The following PTPRN2 variants were observed in gnomAD, a reference collection of about 807,000 sequenced individuals.
The protein encoded by PTPRN2 is protein tyrosine phosphatase receptor type N2.
Under a neutral mutation model 118.8 loss-of-function variants are expected in PTPRN2, and 74 were observed. The observed-to-expected ratio is 0.62, with a 90% CI of 0.52 to 0.76. PTPRN2 has a LOEUF of 0.76. Ranked by LOEUF, PTPRN2 falls within the 30% of genes least tolerant of loss-of-function variation. The probability of loss-of-function intolerance (pLI) is 0.00; values close to 1 mark genes in which losing one functional copy is unlikely to be tolerated. For missense variants in PTPRN2, 1,481 were observed against 1,394.4 expected, an observed-to-expected ratio of 1.06 and a Z score of -0.99; for synonymous variants, 641 against 608.0, an observed-to-expected ratio of 1.05 and a Z score of -0.80.
chr7:157,721,666 C>CA (rs1463435867), intron 12 of PTPRN2, among the ~76,000 whole-genome samples: 7 of 152,182 alleles, frequency 4.6e-5, no homozygotes, highest in Admixed American at 4.6e-4. Flanking sequence ...TGGCTGATGG[C>CA]AAGGGTGTGT....
intron 11 of PTPRN2, among the ~76,000 whole-genome samples, chr7:158,052,777 G>A (rs920809422): frequency 6.6e-6 from 1 of 151,990 alleles, no homozygotes; most frequent in Middle Eastern, 3.2e-3. Flanking sequence ...CGAGGGGGCT[G>A]TGGAGGGGTG....
chr7:157,561,214 G>A (rs745601952), intron 21 of PTPRN2, among the ~76,000 whole-genome samples: 1 of 149,748 alleles, frequency 6.7e-6, no homozygotes, highest in African/African-American at 2.5e-5. Flanking sequence ...CCATCCCTTC[G>A]GCCCCCGGGT....
At chr7:157,957,663 T>C (rs958865269) in intron 11 of PTPRN2, among the ~76,000 whole-genome samples, 3 of 152,036 alleles carry the variant, frequency 2.0e-5, no homozygotes, top group Admixed American at 2.0e-4. Context: ...ATGGGAAAAT[T>C]CCTAGAAATA....
intron 11 of PTPRN2, among the ~76,000 whole-genome samples, chr7:158,005,449 T>TA (rs781488644): frequency 7.3e-4 from 111 of 151,422 alleles, no homozygotes; most frequent in Middle Eastern, 3.4e-3. Context: ...CTGATTTCTT[T>TA]AAAAAAAAAT....
intron 11 of PTPRN2, among the ~76,000 whole-genome samples, chr7:158,071,158 C>G (rs1269974788): frequency 8.0e-5 from 2 of 24,866 alleles, no homozygotes; most frequent in Non-Finnish European, 7.1e-5. Flanking sequence ...TGGAGGTGCT[C>G]GTGGTGGAGG....
At chr7:158,338,263 C>T (rs534991438) in intron 2 of PTPRN2, among the ~76,000 whole-genome samples, 2 of 78,724 alleles carry the variant, frequency 2.5e-5, no homozygotes, top group Non-Finnish European at 5.1e-5. Context: ...CACACCCACA[C>T]TCTCACCATA....
rs937875332 is a variant in PTPRN2 at position 158,166,781 on chromosome 7, C to T, written c.910+150G>A. Reference sequence around the variant, plus strand: ...GGGTATGAGGGCCGAAGGGACCCTTCCCTACATGGTGCCCCATTCCTGCCA... The same window carrying T: ...GGGTATGAGGGCCGAAGGGACCCTTTCCTACATGGTGCCCCATTCCTGCCA... On this transcript the variant is annotated intron_variant, in intron 6 of 22. Transcript: ENST00000389418. 9.2e-6 allele frequency: 10 copies of T among 1,083,280 alleles called. No homozygotes were observed. The South Asian group carries it at 1.1e-4, about 12-fold the overall frequency. 67.1% of individuals were successfully genotyped at this position (1,083,280 alleles called of 1,614,324 possible).
At chr7:157,900,850 C>A (rs895980433) in intron 11 of PTPRN2, among the ~76,000 whole-genome samples, 6 of 152,216 alleles carry the variant, frequency 3.9e-5, no homozygotes, top group African/African-American at 1.4e-4. Context: ...GCTCCCATCA[C>A]AGTTGACTTT....
intron 11 of PTPRN2, among the ~76,000 whole-genome samples, chr7:158,053,914 T>G (rs906368195): frequency 1.5e-5 from 2 of 134,884 alleles, no homozygotes; most frequent in African/African-American, 3.0e-5. Flanking sequence ...ACCCCAGAGA[T>G]GCAGAGACTC....
intron 12 of PTPRN2, among the ~76,000 whole-genome samples, chr7:157,851,641 G>A (rs1188345706): frequency 3.3e-5 from 5 of 152,216 alleles, no homozygotes; most frequent in African/African-American, 1.2e-4. Context: ...GCTCTGCAGA[G>A]ACCGCCCAGC....
At chr7:158,083,591 C>T (rs1348736813) in intron 10 of PTPRN2, among the ~76,000 whole-genome samples, 3 of 152,238 alleles carry the variant, frequency 2.0e-5, no homozygotes. Context: ...GTGACCCATA[C>T]ATGGCCCCGT....
At chr7:157,620,856 T>G (rs1803131564) in intron 15 of PTPRN2, among the ~76,000 whole-genome samples, 1 of 151,150 alleles carries the variant, frequency 6.6e-6, no homozygotes. Flanking sequence ...AGGATGGGGC[T>G]GTTTCCCCCG....
chr7:158,164,983 T>G (rs1453602529), intron 6 of PTPRN2, among the ~76,000 whole-genome samples: 2 of 88,650 alleles, frequency 2.3e-5, no homozygotes. Context: ...GAAGACCCCC[T>G]GATAGCGTCC....
intron 11 of PTPRN2, among the ~76,000 whole-genome samples, chr7:157,956,946 A>G (rs1427863521): frequency 2.0e-5 from 3 of 152,226 alleles, no homozygotes; most frequent in South Asian, 2.1e-4. Context: ...TCATGCCACT[A>G]TGAAAACCTG....
chr7:157,622,848 T>C lies in PTPRN2; in HGVS notation c.2197-1339A>G, dbSNP rs1458199987. 6.6e-6 allele frequency among the ~76,000 whole-genome samples: 1 copy of C among 152,188 alleles called. No homozygotes were observed. Among genetic ancestry groups the C allele is most frequent in the Non-Finnish European group, 1.5e-5 (1 of 68,034 alleles). On this transcript the variant is annotated intron_variant, in intron 14 of 22. Coordinates refer to ENST00000389418, the MANE Select transcript of PTPRN2 (RefSeq NM_002847.5). This position sits in a 1 kb window ranked among gnomAD's most constrained non-coding sequence, Gnocchi z 5.3. ...GAAAAGCAGAGGGACTCCAGTGCCGTTGAGAAGCCGCACCGACTGCCTGCT... is the reference window on the plus strand; with the variant it reads ...GAAAAGCAGAGGGACTCCAGTGCCGCTGAGAAGCCGCACCGACTGCCTGCT...
chr7:157,817,527 C>T (rs908129230), intron 12 of PTPRN2, among the ~76,000 whole-genome samples: 1 of 152,218 alleles, frequency 6.6e-6, no homozygotes, highest in Non-Finnish European at 1.5e-5. Context: ...ATCCAGTCCT[C>T]CCCACGTCCT....
chr7:157,900,496 T>C (rs1285742240), intron 11 of PTPRN2, among the ~76,000 whole-genome samples: 1 of 152,204 alleles, frequency 6.6e-6, no homozygotes, highest in East Asian at 1.9e-4. Context: ...ATCCAGACAC[T>C]TCGGTGGCCC....
In PTPRN2 at chr7:157,934,837, C is replaced by A. The variant is rs1799602838; in HGVS notation, c.1724-36100G>T. On this transcript the variant is annotated intron_variant, in intron 11 of 22. Transcript: ENST00000389418. Reference sequence around the variant, plus strand: ...GAGGTCCGCAGCATTTTGTACAGTGCAGGTCTAACATGGCAGATTCTCTCG... The same window carrying A: ...GAGGTCCGCAGCATTTTGTACAGTGAAGGTCTAACATGGCAGATTCTCTCG... Among the ~76,000 whole-genome samples the A allele has an allele frequency of 2.6e-5, 4 of 152,186 alleles. No homozygotes were observed. The South Asian group carries it at 8.3e-4, about 32-fold the overall frequency.
intron 2 of PTPRN2, among the ~76,000 whole-genome samples, chr7:158,330,865 C>T (rs1293819415): frequency 2.1e-5 from 2 of 94,504 alleles, no homozygotes; most frequent in African/African-American, 3.8e-5. Flanking sequence ...AGCTGATGCC[C>T]GCAGACGTCA....
Sources: gnomAD v4.1 joint callset for allele counts (sites outside exome capture counted in the v4.1 genomes callset) on GRCh38, gnomAD v4.1.1 for gene constraint, Gnocchi (gnomAD v3.1) non-coding constraint, MANE v1.5 for transcripts, NCBI Gene and HGNC (gene_info 2026-07-23, HGNC 2026-07-21) for gene names.